Variants in TDP2 observed in about 807,000 individuals in gnomAD.
TDP2 encodes tyrosyl-DNA phosphodiesterase 2, also known as 5'-Tyr-DNA phosphodiesterase.
In TDP2, 38 loss-of-function variants were observed where a neutral mutation model predicts 42.8. That is an observed-to-expected ratio of 0.89 (90% CI 0.68 to 1.16). The LOEUF is 1.16. TDP2 is among the 50% of genes most tolerant of loss of function. The probability of loss-of-function intolerance (pLI) is 0.00; values close to 1 mark genes in which losing one functional copy is unlikely to be tolerated. For missense variants in TDP2, 439 were observed against 439.3 expected, an observed-to-expected ratio of 1.00 and a Z score of 0.01; for synonymous variants, 173 against 150.6, an observed-to-expected ratio of 1.15 and a Z score of -1.09.
chr6:24,666,092 TAAA>T, intron 2 of TDP2: 1 of 1,474,066 alleles, frequency 6.8e-7, no homozygotes, highest in Non-Finnish European at 9.1e-7. Flanking sequence ...AGGTGTGCAT[TAAA>T]AAAAAATAAC....
At chr6:24,655,683 A>T (rs572358998) in intron 4 of TDP2, among the ~76,000 whole-genome samples, 8 of 152,284 alleles carry the variant, frequency 5.3e-5, no homozygotes, top group African/African-American at 1.9e-4. Context: ...TAGGTTGAAC[A>T]CTGATTAAGT....
Position 24,654,476 on chromosome 6 carries a change from A to C in TDP2, c.572T>G (p.Leu191Ter). ...AIMLKKSRVKLKSQEIIPFPS... is the reference protein window; with the variant it reads ...AIMLKKSRVK The stretch of plus-strand genomic sequence containing the variant: ...AAAAGGAATAATCTCTTGGCTTTTT[A>C]ATTTCACTCTTGATTTCTTCAACAT... Residue 191 changes from leucine (L) to a stop codon, truncating the protein, a stop_gained, in exon 5 of 7, where the codon TTA becomes TGA. Transcript: ENST00000378198. LOFTEE classifies it high-confidence loss of function. 6.3e-7 allele frequency: 1 copy of C among 1,591,738 alleles called. No individual in the cohort carries two copies.
At chr6:24,666,425 G>A in intron 2 of TDP2, 101 bp downstream of exon 2, 3 of 1,454,644 alleles carry the variant, frequency 2.1e-6, no homozygotes, top group Non-Finnish European at 2.9e-6. Context: ...ATCTGCCTCA[G>A]CATCGTCCGC....
intron 6 of TDP2, among the ~76,000 whole-genome samples, chr6:24,651,627 T>C (rs1033559882): frequency 5.1e-5 from 2 of 38,960 alleles, no homozygotes; most frequent in African/African-American, 2.4e-4. Flanking sequence ...AGTCTCACTC[T>C]GTTGCCCAGG....
intron 2 of TDP2, among the ~76,000 whole-genome samples, chr6:24,662,232 C>T (rs6937517): frequency 0.39 from 59,566 of 151,550 alleles, 12,705 homozygotes; most frequent in Non-Finnish European, 0.5. Flanking sequence ...CAGCCCGACA[C>T]CCAAAAAGGG....
chr6:24,655,230 A>T (rs1424468969), intron 4 of TDP2, among the ~76,000 whole-genome samples: 1 of 152,214 alleles, frequency 6.6e-6, no homozygotes, highest in Non-Finnish European at 1.5e-5. Flanking sequence ...AATGAATAAA[A>T]ATCTAGAAAG....
chr6:24,654,372 C>CT (rs750067912), intron 5 of TDP2, 40 bp downstream of exon 5: 54 of 1,072,854 alleles, frequency 5.0e-5, no homozygotes, highest in East Asian at 7.6e-5. Flanking sequence ...ATGAAAAAAT[C>CT]TTTTTTTTAT....
Position 24,658,736 on chromosome 6 carries a change from T to C in TDP2, c.252-2A>G. 6.2e-7 allele frequency: 1 copy of C among 1,610,246 alleles called. No homozygotes were observed. The highest frequency in any genetic ancestry group is 1.1e-5 in the South Asian group (1 of 90,408). On this transcript the variant is annotated splice_acceptor_variant, in intron 2 of 6. Coordinates refer to ENST00000378198, the MANE Select transcript of TDP2 (RefSeq NM_016614.3). LOFTEE classifies it high-confidence loss of function. ...GTTTCTTCATTGGTTAGGTCAACAC[T>C]GGCAAGATCAGAATAAAACATGGCT...
chr6:24,655,140 CAG>C (rs1234953639), intron 4 of TDP2, among the ~76,000 whole-genome samples: 1 of 152,130 alleles, frequency 6.6e-6, no homozygotes, highest in Non-Finnish European at 1.5e-5. Flanking sequence ...CTGAAAGACA[CAG>C]AGTAGATGAG....
chr6:24,657,864 G>A lies in TDP2; in HGVS notation c.465C>T (p.Pro155=), dbSNP rs750960362. Residue 155 remains proline, a synonymous_variant, in exon 4 of 7, where the codon CCC becomes CCT. Coordinates refer to ENST00000378198, the MANE Select transcript of TDP2 (RefSeq NM_016614.3). The stretch of plus-strand genomic sequence containing the variant: ...TCTTCTTTAGGTAGCTATAATATGG[G>A]GGAATAACTTCCTGTAGAAATATCA... ...PDVIFLQEVI[P]PYYSYLKKRS... is the part of the protein sequence containing the mutation. 1.9e-6 allele frequency: 3 copies of A among 1,584,332 alleles called. No homozygotes were observed. The highest frequency in any genetic ancestry group is 1.8e-5 in the Admixed American group (1 of 54,536).
Position 24,658,687 on chromosome 6 carries a change from A to C in TDP2, c.299T>G (p.Ile100Ser). 1 of 1,613,934 alleles carries C rather than the reference A, an allele frequency of 6.2e-7. No homozygotes were observed. The highest frequency in any genetic ancestry group is 2.2e-5 in the East Asian group (1 of 44,872). The change falls in exon 3 of 7, where the codon ATC becomes AGC. Residue 100 changes from isoleucine (I) to serine (S), a missense_variant. Physicochemically the swap from Ile to Ser is moderately radical, Grantham distance 142. Coordinates refer to ENST00000378198, the MANE Select transcript of TDP2 (RefSeq NM_016614.3). ...TTGCTGAGTATCTTCAGATGGGCTG[A>C]TTTTAGAAGTGGTGGAATCAGTTGT... ...EETTDSTTSKISPSEDTQQEN... is the reference protein window; with the variant it reads ...EETTDSTTSKSSPSEDTQQEN...
chr6:24,654,804 G>A (rs1367961879), intron 4 of TDP2, among the ~76,000 whole-genome samples: 2 of 152,186 alleles, frequency 1.3e-5, no homozygotes, highest in African/African-American at 4.8e-5. Flanking sequence ...ACTTTGGGAG[G>A]TCGAGGTGGG....
intron 6 of TDP2, among the ~76,000 whole-genome samples, chr6:24,651,829 T>C (rs962826491): frequency 6.6e-6 from 1 of 152,202 alleles, no homozygotes; most frequent in African/African-American, 2.4e-5. Flanking sequence ...TCAAGTGATC[T>C]GCCCACCTCG....
rs1196265444 is a variant in TDP2, at chr6:24,657,582, G to A, written c.517+230C>T. Among the ~76,000 whole-genome samples, 3 of 152,078 alleles carry A rather than the reference G, an allele frequency of 2.0e-5. 1 individual carries two copies. The highest frequency in any genetic ancestry group is 4.4e-5 in the Non-Finnish European group (3 of 68,016). ...AAAAGGTGTTGTTTCTCAAATTTTA[G>A]TAATTTATATTTTCCTGAAAAATCA... On this transcript the variant is annotated intron_variant, in intron 4 of 6. Coordinates refer to ENST00000378198, the MANE Select transcript of TDP2 (RefSeq NM_016614.3).
intron 1 of TDP2, 28 bp from the exon 2 acceptor site, chr6:24,666,639 GT>G (rs1202615858): frequency 6.2e-7 from 1 of 1,614,090 alleles, no homozygotes; most frequent in African/African-American, 1.3e-5. Context: ...AAGGGATGAG[GT>G]TTGTGCGCTC....
At chr6:24,665,956 AG>A (rs1337948426) in intron 2 of TDP2, 3 of 912,832 alleles carry the variant, frequency 3.3e-6, no homozygotes, top group African/African-American at 1.7e-5. Flanking sequence ...AAAAAGTAAA[AG>A]TTTGATAGGC....
At chr6:24,662,378 G>A (rs1470035461) in intron 2 of TDP2, among the ~76,000 whole-genome samples, 1 of 152,122 alleles carries the variant, frequency 6.6e-6, no homozygotes, top group Non-Finnish European at 1.5e-5. Flanking sequence ...ACTTGGATGG[G>A]AGAAAACCGC....
chr6:24,650,843 C>T lies in TDP2; in HGVS notation c.1034G>A (p.Gly345Asp), dbSNP rs199528335. The T allele has an allele frequency of 6.2e-7, 1 of 1,614,068 alleles. No individual in the cohort carries two copies. The highest frequency in any genetic ancestry group is 2.2e-5 in the East Asian group (1 of 44,870). ...DLLGLEKLDCGRFPSDHWGLL... is the reference protein window; with the variant it reads ...DLLGLEKLDCDRFPSDHWGLL... ...ACCCCAGTGATCACTAGGAAATCTA[C>T]CACAGTCCAGTTTTTCTAATCCAAG... The change falls in exon 7 of 7, where the codon GGT becomes GAT. Residue 345 changes from glycine to aspartate, a missense_variant. Gly to Asp is a moderately conservative substitution (Grantham distance 94). Transcript: ENST00000378198.
chr6:24,662,525 A>T (rs1778166944), intron 2 of TDP2, among the ~76,000 whole-genome samples: 1 of 152,078 alleles, frequency 6.6e-6, no homozygotes, highest in African/African-American at 2.4e-5. Context: ...TTTATGACAC[A>T]GAGTCCTTTG....
Sources: gnomAD v4.1 joint callset for allele counts (sites outside exome capture counted in the v4.1 genomes callset) on GRCh38, gnomAD v4.1.1 for gene constraint, MANE v1.5 for transcripts, NCBI Gene and HGNC (gene_info 2026-07-23, HGNC 2026-07-21) for gene names.